The following EYA4 variants were observed in gnomAD, a reference collection of about 807,000 sequenced individuals.
The protein encoded by EYA4 is protein phosphatase EYA4.
A neutral mutation model predicts 87.9 loss-of-function variants in EYA4; 31 were observed. That is an observed-to-expected ratio of 0.35 (90% CI 0.27 to 0.48). The LOEUF (loss-of-function observed/expected upper bound fraction) is 0.48, where lower values mean the gene tolerates loss of function less well. EYA4 is among the 20% of genes least tolerant of loss of function. The pLI is 0.99. For synonymous variants in EYA4, 263 were observed against 270.6 expected (o/e 0.97, Z 0.28); for missense variants, 678 against 761.4 (o/e 0.89, Z 1.29).
Position 133,322,365 on chromosome 6 carries a change from A to T in EYA4, c.33+47552A>T, listed in dbSNP as rs368853667. Among the ~76,000 whole-genome samples the T allele has an allele frequency of 6.6e-5, 10 of 152,336 alleles. No individual in the cohort carries two copies. The South Asian group carries it at 2.1e-3, about 32-fold the overall frequency. On this transcript the variant is annotated intron_variant, in intron 2 of 19. Transcript: ENST00000355286. ...TTTTAGAAAGGAATATTTATGATTC[A>T]ATATCACAGTTATTTTTATTGATGT...
intron 13 of EYA4, among the ~76,000 whole-genome samples, chr6:133,493,864 C>T (rs902592306): frequency 3.9e-5 from 6 of 152,140 alleles, no homozygotes; most frequent in Non-Finnish European, 7.4e-5. Context: ...ATCAGAGAAA[C>T]TCAAAACTAC....
At chr6:133,458,564 A>G (rs1472101600) in intron 6 of EYA4, among the ~76,000 whole-genome samples, 2 of 152,218 alleles carry the variant, frequency 1.3e-5, no homozygotes, top group Admixed American at 1.3e-4. Context: ...TTAGTGTGGG[A>G]AAGCTATCCT....
chr6:133,285,000 G>T (rs375614087), intron 2 of EYA4, among the ~76,000 whole-genome samples: 25 of 143,740 alleles, frequency 1.7e-4, no homozygotes, highest in East Asian at 6.2e-4. Flanking sequence ...TTTTTTTTTT[G>T]TTTGTTTGTT....
At chr6:133,403,490 A>T (rs159427) in intron 3 of EYA4, among the ~76,000 whole-genome samples, 10,517 of 152,318 alleles carry the variant, frequency 0.069, 535 homozygotes, top group Non-Finnish European at 0.11. Context: ...GGGAAAAAAT[A>T]CAACTTTGTT....
chr6:133,276,946 A>G (rs957864193), intron 2 of EYA4, among the ~76,000 whole-genome samples: 12 of 151,916 alleles, frequency 7.9e-5, no homozygotes, highest in African/African-American at 2.2e-4. Flanking sequence ...GCCCCTTTAC[A>G]TGGAAATAAT....
intron 11 of EYA4, among the ~76,000 whole-genome samples, chr6:133,478,581 A>T (rs1166805741): frequency 6.6e-6 from 1 of 152,166 alleles, no homozygotes; most frequent in Non-Finnish European, 1.5e-5. Flanking sequence ...ATTTTTAAAG[A>T]ACAGTGCATG....
At chr6:133,299,538 C>T (rs999933249) in intron 2 of EYA4, among the ~76,000 whole-genome samples, 10 of 151,396 alleles carry the variant, frequency 6.6e-5, no homozygotes, top group Admixed American at 1.3e-4. Flanking sequence ...GGTGAAACCC[C>T]GTCTCTACTA....
intron 3 of EYA4, among the ~76,000 whole-genome samples, chr6:133,395,398 C>T (rs1787695976): frequency 6.6e-6 from 1 of 152,108 alleles, no homozygotes; most frequent in Non-Finnish European, 1.5e-5. Flanking sequence ...TTTACCTACA[C>T]TAGTCGCACT....
intron 1 of EYA4, among the ~76,000 whole-genome samples, chr6:133,262,310 C>T (rs1057443034): frequency 6.6e-6 from 1 of 152,222 alleles, no homozygotes; most frequent in Non-Finnish European, 1.5e-5. Flanking sequence ...TGACAGGCTA[C>T]AGGAGAGCCA....
chr6:133,493,715 G>A (rs186903100), intron 13 of EYA4, among the ~76,000 whole-genome samples: 16 of 152,048 alleles, frequency 1.1e-4, no homozygotes, highest in East Asian at 1.9e-4. Flanking sequence ...ATTAATAAGC[G>A]GAACATACAA....
chr6:133,299,560 A>G (rs991177247), intron 2 of EYA4, among the ~76,000 whole-genome samples: 9 of 151,652 alleles, frequency 5.9e-5, no homozygotes, highest in African/African-American at 2.2e-4. Flanking sequence ...AAATACACAA[A>G]AATTAGCCAG....
intron 2 of EYA4, among the ~76,000 whole-genome samples, chr6:133,345,770 A>T (rs998538698): frequency 6.6e-6 from 1 of 152,248 alleles, no homozygotes; most frequent in African/African-American, 2.4e-5. Flanking sequence ...AGTAATAAAA[A>T]TAGTCTATTC....
intron 6 of EYA4, 62 bp downstream of exon 6, chr6:133,456,710 C>A (rs934313233): frequency 1.0e-6 from 1 of 970,904 alleles, no homozygotes; most frequent in Non-Finnish European, 1.7e-6. Flanking sequence ...TCCTCCTCCT[C>A]GGGAATAAGC....
intron 3 of EYA4, among the ~76,000 whole-genome samples, chr6:133,417,219 A>T (rs1403783764): frequency 1.3e-5 from 2 of 152,196 alleles, no homozygotes; most frequent in Non-Finnish European, 2.9e-5. Context: ...GATTTGCTCA[A>T]TGTTTGTGGC....
intron 16 of EYA4, 87 bp downstream of exon 16, chr6:133,513,125 G>T (rs1428884659): frequency 6.6e-6 from 9 of 1,365,220 alleles, no homozygotes; most frequent in Non-Finnish European, 9.4e-6. Context: ...TGATTCTGCT[G>T]TAAAAGAAAC....
chr6:133,529,285 T>C lies in EYA4; in HGVS notation c.*480T>C. 1 of 990,736 alleles carries C rather than the reference T, an allele frequency of 1.0e-6. No individual in the cohort carries two copies. Among genetic ancestry groups the C allele is most frequent in the Non-Finnish European group, 1.2e-6 (1 of 832,384 alleles). 61.4% of individuals were successfully genotyped at this position (990,736 alleles called of 1,614,324 possible). A position where few individuals can be genotyped will look rare whatever the true frequency, so the allele number is the denominator to read the frequency against. ...GGACAGTCCTATTTAGACATGTAAT[T>C]TGTGTAAATTATTGATGAAAATAAT... On this transcript the variant is annotated 3_prime_UTR_variant, in exon 20 of 20. Transcript: ENST00000355286.
At chr6:133,345,258 C>A (rs569949380) in intron 2 of EYA4, among the ~76,000 whole-genome samples, 1 of 152,192 alleles carries the variant, frequency 6.6e-6, no homozygotes, top group African/African-American at 2.4e-5. Context: ...TTAAATACTG[C>A]AGCTGTTATG....
intron 2 of EYA4, among the ~76,000 whole-genome samples, chr6:133,340,850 C>G (rs575685747): frequency 6.6e-6 from 1 of 152,168 alleles, no homozygotes; most frequent in African/African-American, 2.4e-5. Flanking sequence ...CCTCTGGCTG[C>G]TGTGTGAAGA....
intron 2 of EYA4, among the ~76,000 whole-genome samples, chr6:133,280,392 A>C (rs1399474154): frequency 6.6e-6 from 1 of 152,148 alleles, no homozygotes; most frequent in African/African-American, 2.4e-5. Context: ...CATTTTTAAA[A>C]TAATAGTTTT....
Sources: allele counts gnomAD v4.1 joint callset (sites outside exome capture counted in the v4.1 genomes callset), GRCh38; gene constraint gnomAD v4.1.1; transcripts MANE v1.5; gene names NCBI Gene and HGNC (gene_info 2026-07-23, HGNC 2026-07-21).